LUZP2: variants seen among roughly 807,000 people sequenced by gnomAD.
The protein encoded by LUZP2 is leucine zipper protein 2.
Under a neutral mutation model 51.6 loss-of-function variants are expected in LUZP2, and 52 were observed. That is an observed-to-expected ratio of 1.01 (90% CI 0.81 to 1.27). LUZP2 has a LOEUF of 1.27. Among genes scored for constraint, LUZP2 ranks in the 50% most tolerant of loss-of-function variants. The pLI is 0.00. For missense variants in LUZP2, 436 were observed against 395.4 expected (o/e 1.10, Z -0.87); for synonymous variants, 154 against 137.3 (o/e 1.12, Z -0.85).
chr11:24,979,490 T>C (rs1855968020), intron 8 of LUZP2, among the ~76,000 whole-genome samples: 1 of 151,858 alleles, frequency 6.6e-6, no homozygotes, highest in Non-Finnish European at 1.5e-5. Flanking sequence ...CCCAAGAATA[T>C]AATATCTGGA....
chr11:24,683,192 G>A (rs1241119963), intron 1 of LUZP2, among the ~76,000 whole-genome samples: 1 of 152,190 alleles, frequency 6.6e-6, no homozygotes, highest in East Asian at 1.9e-4. Flanking sequence ...ACAAAGAGAA[G>A]TGTTGAACCT....
At chr11:24,938,398 T>A (rs144420996) in intron 7 of LUZP2, among the ~76,000 whole-genome samples, 277 of 152,278 alleles carry the variant, frequency 1.8e-3, no homozygotes, top group African/African-American at 6.4e-3. Flanking sequence ...ATATATATCA[T>A]TTGTGGGAAT....
At chr11:24,869,148 T>C (rs993874798) in intron 5 of LUZP2, among the ~76,000 whole-genome samples, 3 of 152,164 alleles carry the variant, frequency 2.0e-5, no homozygotes. Flanking sequence ...AACACTCTGC[T>C]TGATACATAC....
chr11:25,063,203 ATAAT>A (rs1858899509), intron 10 of LUZP2, among the ~76,000 whole-genome samples: 1 of 151,782 alleles, frequency 6.6e-6, no homozygotes, highest in South Asian at 2.1e-4. Context: ...ATTAGGTGCC[ATAAT>A]TAATCTAGAG....
intron 9 of LUZP2, among the ~76,000 whole-genome samples, chr11:25,016,386 C>T (rs1192240084): frequency 6.6e-6 from 1 of 152,030 alleles, no homozygotes; most frequent in Non-Finnish European, 1.5e-5. Context: ...CTCTCAGCTA[C>T]AATTGAGAAC....
At chr11:24,679,541 T>C (rs1856667802) in intron 1 of LUZP2, among the ~76,000 whole-genome samples, 2 of 152,192 alleles carry the variant, frequency 1.3e-5, no homozygotes, top group South Asian at 4.1e-4. Context: ...CTTTACTTTC[T>C]ATTGCTTCCA....
At chr11:24,947,545 TC>T (rs1004134162) in intron 7 of LUZP2, among the ~76,000 whole-genome samples, 2 of 151,900 alleles carry the variant, frequency 1.3e-5, no homozygotes, top group Non-Finnish European at 2.9e-5. Flanking sequence ...GCTCTTTTTT[TC>T]CCCCCAAGTG....
At position 24,977,812 on chromosome 11, in the gene LUZP2, T is replaced by C. The variant is rs577976979; in HGVS notation, c.597+1147T>C. On this transcript the variant is annotated intron_variant, in intron 8 of 11. Transcript: ENST00000336930. ...ATATATGTATTTTATTATCAAAATT[T>C]TGCTTTTAACACTTAATTCAGATAG... Among the ~76,000 whole-genome samples the C allele has an allele frequency of 3.3e-4, 50 of 151,700 alleles. 1 individual carries two copies. Among genetic ancestry groups the C allele is most frequent in the Admixed American group, 2.8e-3 (42 of 15,182 alleles).
At chr11:24,915,633 A>T (rs1191954018) in intron 7 of LUZP2, among the ~76,000 whole-genome samples, 1 of 150,382 alleles carries the variant, frequency 6.6e-6, no homozygotes, top group East Asian at 2.0e-4. Context: ...GTCTTGAATA[A>T]ACATATGTTG....
At chr11:24,823,841 A>T (rs1357864412) in intron 5 of LUZP2, among the ~76,000 whole-genome samples, 2 of 152,132 alleles carry the variant, frequency 1.3e-5, no homozygotes, top group African/African-American at 4.8e-5. Flanking sequence ...AGACGGGTGG[A>T]TCACAAAGTC....
At chr11:24,857,114 A>G (rs963623071) in intron 5 of LUZP2, among the ~76,000 whole-genome samples, 4 of 151,922 alleles carry the variant, frequency 2.6e-5, no homozygotes, top group African/African-American at 4.8e-5. Flanking sequence ...ATCCATTCTA[A>G]GCAGATTCCC....
At chr11:24,716,111 A>T (rs1590390372) in intron 1 of LUZP2, among the ~76,000 whole-genome samples, 2 of 152,326 alleles carry the variant, frequency 1.3e-5, no homozygotes, top group East Asian at 3.9e-4. Context: ...ATTGTTTAAA[A>T]ATAAAAAATA....
chr11:24,938,799 C>T (rs1224906230), intron 7 of LUZP2, among the ~76,000 whole-genome samples: 1 of 152,126 alleles, frequency 6.6e-6, no homozygotes, highest in East Asian at 1.9e-4. Context: ...GTTGCCCATT[C>T]AATTCTGGCT....
At chr11:24,965,373 C>T (rs1855550979) in intron 7 of LUZP2, among the ~76,000 whole-genome samples, 1 of 150,928 alleles carries the variant, frequency 6.6e-6, no homozygotes, top group African/African-American at 2.4e-5. Context: ...ACTCTCTCTG[C>T]CAAGGGCCTT....
At chr11:24,543,476 C>T (rs1245049384) in intron 1 of LUZP2, among the ~76,000 whole-genome samples, 1 of 152,044 alleles carries the variant, frequency 6.6e-6, no homozygotes, top group Non-Finnish European at 1.5e-5. Flanking sequence ...CCAAGAGATG[C>T]AGGGCTTCTC....
At chr11:24,503,131 A>C (rs2133755039) in intron 1 of LUZP2, among the ~76,000 whole-genome samples, 1 of 152,356 alleles carries the variant, frequency 6.6e-6, no homozygotes, top group South Asian at 2.1e-4. Flanking sequence ...ATACTAAGTC[A>C]GTTTTAAAAT....
At chr11:24,666,094 A>G (rs1856203783) in intron 1 of LUZP2, among the ~76,000 whole-genome samples, 1 of 152,194 alleles carries the variant, frequency 6.6e-6, no homozygotes, top group African/African-American at 2.4e-5. Flanking sequence ...ACTTACATTC[A>G]GAGCAAGTAT....
At chr11:24,629,155 A>C (rs1466485199) in intron 1 of LUZP2, among the ~76,000 whole-genome samples, 3 of 151,996 alleles carry the variant, frequency 2.0e-5, no homozygotes. Context: ...ATAGTGGTCA[A>C]ATCAGAGCTT....
At chr11:24,871,992 G>A (rs1852092496) in intron 5 of LUZP2, among the ~76,000 whole-genome samples, 1 of 151,964 alleles carries the variant, frequency 6.6e-6, no homozygotes, top group African/African-American at 2.4e-5. Flanking sequence ...GACTCTGGTT[G>A]TATGTGGTTA....
Sources: allele counts gnomAD v4.1 joint callset (sites outside exome capture counted in the v4.1 genomes callset), GRCh38; gene constraint gnomAD v4.1.1; transcripts MANE v1.5; gene names NCBI Gene and HGNC (gene_info 2026-07-23, HGNC 2026-07-21).